The following PZP variants were observed in gnomAD, a reference collection of about 807,000 sequenced individuals.
PZP encodes PZP alpha-2-macroglobulin like.
PZP carries 150 observed loss-of-function variants against 179.8 expected under a neutral mutation model. The ratio of observed to expected loss-of-function variants is 0.83; its 90% CI spans 0.73 to 0.96. The LOEUF (loss-of-function observed/expected upper bound fraction) is 0.96. Ranked by LOEUF, PZP falls within the 40% of genes least tolerant of loss-of-function variation. The pLI, the probability that PZP is intolerant of heterozygous loss-of-function variation, is 0.00. For synonymous variants in PZP, 624 were observed against 652.3 expected, an observed-to-expected ratio of 0.96 and a Z score of 0.66; for missense variants, 1,689 against 1,764.0, an observed-to-expected ratio of 0.96 and a Z score of 0.76.
intron 10 of PZP, among the ~76,000 whole-genome samples, chr12:9,194,695 A>G (rs1196003467): frequency 6.6e-6 from 1 of 151,962 alleles, no homozygotes; most frequent in African/African-American, 2.4e-5. Context: ...CGATCGCCTG[A>G]CCTCGTGATC....
chr12:9,153,155 T>C lies in PZP; in HGVS notation c.3963A>G (p.Thr1321=), dbSNP rs368573692. The change falls in exon 30 of 36, where the codon ACA becomes ACG. Residue 1321 remains threonine (T), a synonymous_variant. Transcript: ENST00000261336. ...GATACACACATCTTTCCCCAGTTAC[T>C]GTTATGACATATTCTCCAGGGAGCT... ...LPELPGEYVI[T]VTGERCVYLQ... is the part of the protein sequence containing the mutation. The C allele has an allele frequency of 3.1e-6, 5 of 1,614,176 alleles. No individual in the cohort carries two copies. The highest frequency in any genetic ancestry group is 1.7e-5 in the Admixed American group (1 of 60,018).
chr12:9,168,853 C>T lies in PZP; in HGVS notation c.2107+16G>A. Reference sequence around the variant, plus strand: ...GTTGGACATGAAATAAAATTAAAAGCAAATTGCTGTTTTACCTCCATAGTA... The same window carrying T: ...GTTGGACATGAAATAAAATTAAAAGTAAATTGCTGTTTTACCTCCATAGTA... On this transcript the variant is annotated intron_variant, in intron 17 of 35. Coordinates refer to ENST00000261336, the MANE Select transcript of PZP (RefSeq NM_002864.3). 1.3e-6 allele frequency: 2 copies of T among 1,575,640 alleles called. No homozygotes were observed. Among genetic ancestry groups the T allele is most frequent in the Non-Finnish European group, 1.7e-6 (2 of 1,147,296 alleles).
Position 9,154,819 on chromosome 12 carries a change from G to A in PZP, c.3571C>T (p.Arg1191Cys), listed in dbSNP as rs145625112. The change falls in exon 29 of 36, where the codon CGC (arginine) becomes TGC (cysteine). Residue 1191 changes from arginine (R) to cysteine (C), a missense_variant. Around this residue, in one of 3 missense-constraint regions of PZP, gnomAD observed 746 missense variants for 749.2 expected, o/e 1.00. Coordinates refer to ENST00000261336, the MANE Select transcript of PZP (RefSeq NM_002864.3). ...ACTGGTGCCTTGGGTCTCTGAGGGC[G>A]CTCCCAATGGACGAGGTTGTCTTAA... Reference protein sequence around the residue: ...VKEDNLVHWERPQRPKAPVGH... With the variant: ...VKEDNLVHWECPQRPKAPVGH... 3.3e-3 allele frequency: 5,337 copies of A among 1,613,982 alleles called. 19 individuals are homozygous for A. The highest frequency in any genetic ancestry group is 3.8e-3 in the Non-Finnish European group (4,461 of 1,179,910).
Position 9,154,742 on chromosome 12 carries a change from G to A in PZP, c.3648C>T (p.Ser1216=). 6.2e-7 allele frequency: 1 copy of A among 1,614,152 alleles called. No homozygotes were observed. The highest frequency in any genetic ancestry group is 1.1e-5 in the South Asian group (1 of 91,058). The stretch of plus-strand genomic sequence containing the variant: ...CCGTGAGATAAGCGAGGAGCACATA[G>A]GATGTCATCTCCACCTCAGCAGAGG... The part of the protein sequence containing the change: ...QAPSAEVEMT[S]YVLLAYLTAQ... Residue 1216 remains serine, a synonymous_variant, in exon 29 of 36, where the codon TCC becomes TCT. Coordinates refer to ENST00000261336, the MANE Select transcript of PZP (RefSeq NM_002864.3).
At chr12:9,161,576 T>G (rs1027747136) in intron 22 of PZP, among the ~76,000 whole-genome samples, 1 of 152,188 alleles carries the variant, frequency 6.6e-6, no homozygotes, top group Non-Finnish European at 1.5e-5. Context: ...GAACTATCGC[T>G]CTCCACTTTT....
At chr12:9,155,884 T>C (rs1940715458) in intron 28 of PZP, 1 of 156,132 alleles carries the variant, frequency 6.4e-6, no homozygotes, top group African/African-American at 2.4e-5. Context: ...TTTGTTAACA[T>C]TTTTCCATTT....
At chr12:9,181,355 T>C (rs974976873) in intron 14 of PZP, among the ~76,000 whole-genome samples, 1 of 152,224 alleles carries the variant, frequency 6.6e-6, no homozygotes, top group Non-Finnish European at 1.5e-5. Flanking sequence ...GAGACATAAA[T>C]AGTTAGATCT....
intron 13 of PZP, among the ~76,000 whole-genome samples, chr12:9,185,790 A>ATTTCTTTTCTTTTCT (rs71045238): frequency 0.016 from 2,143 of 134,296 alleles, 72 homozygotes; most frequent in East Asian, 0.039. Flanking sequence ...TATGTTCAAC[A>ATTTCTTTTCTTTTCT]TTTCTTTTCT....
chr12:9,151,563 C>T lies in PZP; in HGVS notation c.4281+41G>A, dbSNP rs372259313. 5.8e-5 allele frequency: 89 copies of T among 1,544,554 alleles called. 2 individuals are homozygous for T. In the African/African-American group the frequency reaches 7.5e-4, roughly 13 times the overall value. On this transcript the variant is annotated intron_variant, in intron 33 of 35. Coordinates refer to ENST00000261336, the MANE Select transcript of PZP (RefSeq NM_002864.3). The stretch of plus-strand genomic sequence containing the variant: ...TAGTAAAGAGACTCACTTAGAAAGA[C>T]GACCCATATGTAGTCTCAGCCAGGA...
intron 19 of PZP, among the ~76,000 whole-genome samples, chr12:9,164,906 A>G (rs1329741887): frequency 6.6e-6 from 1 of 152,198 alleles, no homozygotes; most frequent in Non-Finnish European, 1.5e-5. Flanking sequence ...TGCAAGCGCT[A>G]AGAAATAGAA....
At chr12:9,149,102 G>A in intron 35 of PZP, 108 bp from the exon 36 acceptor site, 1 of 946,564 alleles carries the variant, frequency 1.1e-6, no homozygotes, top group South Asian at 1.4e-5. Context: ...CTTTGTGAAA[G>A]GCCAGATGGT....
chr12:9,204,833 T>C (rs567774904), intron 1 of PZP, among the ~76,000 whole-genome samples: 1 of 152,276 alleles, frequency 6.6e-6, no homozygotes, highest in South Asian at 2.1e-4. Context: ...AAGTGGCTTA[T>C]ACCTAGTTCC....
Position 9,203,815 on chromosome 12 carries a change from T to G in PZP, c.220A>C (p.Thr74Pro). 7 of 1,614,084 alleles carry G rather than the reference T, an allele frequency of 4.3e-6. No individual in the cohort carries two copies. Among genetic ancestry groups the G allele is most frequent in the Non-Finnish European group, 5.9e-6 (7 of 1,179,996 alleles). ...ESGRENRSLF[T>P]DLVAEKDLFH... ...AAGTCCTTCTCCGCCACCAGGTCAG[T>G]GAAGAGGCTCCTGTTTTCCCTGCCA... Residue 74 changes from threonine (T) to proline (P), a missense_variant, in exon 2 of 36, where the codon ACT (threonine) becomes CCT (proline). This residue lies in a region of PZP where 742 missense variants were observed against 730.5 expected (regional missense o/e 1.02). Coordinates refer to ENST00000261336, the MANE Select transcript of PZP (RefSeq NM_002864.3).
intron 1 of PZP, among the ~76,000 whole-genome samples, chr12:9,206,888 G>A (rs774123461): frequency 6.6e-6 from 1 of 152,122 alleles, no homozygotes; most frequent in African/African-American, 2.4e-5. Context: ...CCCAATACAC[G>A]CTACTCGCTT....
intron 22 of PZP, among the ~76,000 whole-genome samples, chr12:9,161,412 G>A (rs1399303123): frequency 6.6e-6 from 1 of 152,156 alleles, no homozygotes; most frequent in Non-Finnish European, 1.5e-5. Flanking sequence ...TGGGTGCAAG[G>A]AATAAGAATT....
At position 9,196,347 on chromosome 12, in the gene PZP, T is replaced by A; in HGVS notation, c.1075A>T (p.Ile359Phe). Residue 359 changes from isoleucine (I) to phenylalanine (F), a missense_variant, in exon 10 of 36, where the codon ATC becomes TTC. Coordinates refer to ENST00000261336, the MANE Select transcript of PZP (RefSeq NM_002864.3). Reference sequence around the variant, plus strand: ...TATCTTACCTGTGCAAAAAAGGGGATTCCTTGTCTAAAGTGTGAATCCACT... The same window carrying A: ...TATCTTACCTGTGCAAAAAAGGGGAATCCTTGTCTAAAGTGTGAATCCACT... Reference protein sequence around the residue: ...VKVDSHFRQGIPFFAQVLLVD... With the variant: ...VKVDSHFRQGFPFFAQVLLVD... 2 of 1,610,494 alleles carry A rather than the reference T, an allele frequency of 1.2e-6. No homozygotes were observed. The highest frequency in any genetic ancestry group is 1.7e-6 in the Non-Finnish European group (2 of 1,176,808).
rs2121225657 is a variant in PZP, at chr12:9,202,677, C to T, written c.275G>A (p.Arg92Lys). The part of the protein sequence containing the change: ...LFHCVSFTLP[R>K]ISASSEVAFL... ...TGCCACCTCTGAAGAGGCTGAGATC[C>T]TTGGGAGCTAAAAAGCAAAGGATTT... The change falls in exon 3 of 36, where the codon AGG becomes AAG. Residue 92 changes from arginine to lysine, a missense_variant. Physicochemically the swap from Arg to Lys is conservative, Grantham distance 26. Transcript: ENST00000261336. 1.9e-6 allele frequency: 3 copies of T among 1,613,076 alleles called. No homozygotes were observed. The East Asian group carries it at 6.7e-5, about 36-fold the overall frequency.
chr12:9,162,757 A>G, intron 21 of PZP, 109 bp from the exon 22 acceptor site: 2 of 898,984 alleles, frequency 2.2e-6, no homozygotes, highest in Non-Finnish European at 3.4e-6. Flanking sequence ...GATGTTTACC[A>G]TCCTACTCTT....
At chr12:9,204,876 C>T (rs143002358) in intron 1 of PZP, among the ~76,000 whole-genome samples, 235 of 152,150 alleles carry the variant, frequency 1.5e-3, no homozygotes, top group African/African-American at 5.3e-3. Context: ...AGGAGAGTCA[C>T]TTGAGGCCAG....
Sources: gnomAD v4.1 joint callset for allele counts (sites outside exome capture counted in the v4.1 genomes callset) on GRCh38, gnomAD v4.1.1 for gene constraint, gnomAD v4.1.1 regional missense constraint, MANE v1.5 for transcripts, NCBI Gene and HGNC (gene_info 2026-07-23, HGNC 2026-07-21) for gene names.